Variants in SLC29A4 observed in about 807,000 individuals in gnomAD.
SLC29A4 encodes equilibrative nucleoside transporter 4.
A neutral mutation model predicts 43.9 loss-of-function variants in SLC29A4; 36 were observed. The ratio of observed to expected loss-of-function variants is 0.82; its 90% CI spans 0.63 to 1.08. The LOEUF (loss-of-function observed/expected upper bound fraction) is 1.08, where lower values mean the gene tolerates loss of function less well. Ranked by LOEUF, SLC29A4 falls within the 50% of genes least tolerant of loss-of-function variation. The pLI is 0.00. For missense variants in SLC29A4, 869 were observed against 755.3 expected (o/e 1.15, Z -1.77); for synonymous variants, 491 against 338.0 (o/e 1.45, Z -4.97).
intron 6 of SLC29A4, 130 bp from the exon 7 acceptor site, chr7:5,296,806 T>TG (rs1176478334): frequency 4.6e-6 from 4 of 876,672 alleles, no homozygotes; most frequent in African/African-American, 4.0e-5. Flanking sequence ...GGCCTGTGGG[T>TG]GGGGGCAGGG....
intron 1 of SLC29A4, 82 bp from the exon 2 acceptor site, chr7:5,287,727 A>T (rs1785046571): frequency 7.2e-7 from 1 of 1,383,494 alleles, no homozygotes; most frequent in Non-Finnish European, 9.8e-7. Context: ...CACTCCAGGT[A>T]GAAGCTTTAT....
At chr7:5,283,800 C>T (rs1221354199) in intron 1 of SLC29A4, among the ~76,000 whole-genome samples, 2 of 152,228 alleles carry the variant, frequency 1.3e-5, no homozygotes, top group South Asian at 2.1e-4. Context: ...CTAACCAGGG[C>T]TGGTGACTGA....
chr7:5,303,950 A>T lies in SLC29A4; in HGVS notation c.*1011A>T, dbSNP rs1399444002. ...GGGGGAGGACCGCCCCCGCTTCCAG[A>T]TCCCCGGCCCCGGCTGTGACTGCCC... On this transcript the variant is annotated 3_prime_UTR_variant, in exon 11 of 11. Coordinates refer to ENST00000396872, the MANE Select transcript of SLC29A4 (RefSeq NM_153247.4). 6.6e-6 allele frequency: 1 copy of T among 152,366 alleles called. No individual in the cohort carries two copies. The highest frequency in any genetic ancestry group is 2.4e-5 in the African/African-American group (1 of 41,406). The allele number at this position is 152,366 out of a possible 1,614,324, so 9.4% of individuals were successfully genotyped here.
chr7:5,301,594 C>T (rs577631593), intron 10 of SLC29A4, among the ~76,000 whole-genome samples: 10 of 152,320 alleles, frequency 6.6e-5, no homozygotes, highest in African/African-American at 2.4e-4. Flanking sequence ...ATCCCTCCAG[C>T]TGCCGTGGGC....
Position 5,299,396 on chromosome 7 carries a change from C to T in SLC29A4, c.1178C>T (p.Ala393Val), listed in dbSNP as rs1252906742. The change falls in exon 9 of 11, where the codon GCT (alanine) becomes GTT (valine). Residue 393 changes from alanine to valine, a missense_variant. Transcript: ENST00000396872. ...GAGTGGCTGCCCATCCTCATCATGG[C>T]TGTGTTCAACCTGTCAGACTTCGTG... Reference protein sequence around the residue: ...LGEWLPILIMAVFNLSDFVGK... With the variant: ...LGEWLPILIMVVFNLSDFVGK... 6 of 1,612,184 alleles carry T rather than the reference C, an allele frequency of 3.7e-6. No homozygotes were observed. The highest frequency in any genetic ancestry group is 2.2e-5 in the East Asian group (1 of 44,878).
intron 3 of SLC29A4, 49 bp from the exon 4 acceptor site, chr7:5,291,075 G>A (rs1465659812): frequency 1.3e-6 from 2 of 1,596,630 alleles, no homozygotes; most frequent in Admixed American, 3.3e-5. Context: ...AGGAGTCAGT[G>A]CAGGGGGTGG....
chr7:5,303,186 T>C lies in SLC29A4; in HGVS notation c.*247T>C. ...GCACTGTGTTCTGCGTTTGGTCTCA[T>C]ACCTGCGTCTACCTTCCATCTGTGT... On this transcript the variant is annotated 3_prime_UTR_variant, in exon 11 of 11. Coordinates refer to ENST00000396872, the MANE Select transcript of SLC29A4 (RefSeq NM_153247.4). 1 of 567,888 alleles carries C rather than the reference T, an allele frequency of 1.8e-6. No homozygotes were observed. The highest frequency in any genetic ancestry group is 3.0e-5 in the East Asian group (1 of 33,438). 35.2% of individuals were successfully genotyped at this position (567,888 alleles called of 1,614,324 possible).
intron 1 of SLC29A4, among the ~76,000 whole-genome samples, chr7:5,285,407 G>A (rs562312254): frequency 1.5e-3 from 231 of 152,352 alleles, no homozygotes; most frequent in African/African-American, 5.1e-3. Context: ...TCCCCTGGTA[G>A]TGGGTACCAA....
rs1056329272 is a variant in SLC29A4 at position 5,292,690 on chromosome 7, C to CTTTTTTTTTTTTTTTTTTT, written c.544+879_544+897dup. Among the ~76,000 whole-genome samples the CTTTTTTTTTTTTTTTTTTT allele has an allele frequency of 6.8e-4, 46 of 67,412 alleles. 10 individuals are homozygous for CTTTTTTTTTTTTTTTTTTT. The highest frequency in any genetic ancestry group is 1.1e-3 in the Admixed American group (5 of 4,516). 44.2% of individuals were successfully genotyped at this position (67,412 alleles called of 152,430 possible). ...TTCTACCAGCCAAGACATTTTTTTC[C>CTTTTTTTTTTTTTTTTTTT]TTTTTTTTTTTTTTTTTTTTTTTTT... is the stretch of plus-strand genomic sequence containing the variant. On this transcript the variant is annotated intron_variant, in intron 5 of 10. Transcript: ENST00000396872.
At position 5,303,472 on chromosome 7, in the gene SLC29A4, G is replaced by A. The variant is rs1019055880; in HGVS notation, c.*533G>A. On this transcript the variant is annotated 3_prime_UTR_variant, in exon 11 of 11. Transcript: ENST00000396872. Reference sequence around the variant, plus strand: ...GCTTCCCCTTCTGTCCTCATTCTTAGAGACTGCTTCTCCCAAACATAACGC... The same window carrying A: ...GCTTCCCCTTCTGTCCTCATTCTTAAAGACTGCTTCTCCCAAACATAACGC... 1 of 160,678 alleles carries A rather than the reference G, an allele frequency of 6.2e-6. No individual in the cohort carries two copies. Among genetic ancestry groups the A allele is most frequent in the Non-Finnish European group, 1.3e-5 (1 of 74,216 alleles). 10.0% of individuals were successfully genotyped at this position (160,678 alleles called of 1,614,324 possible).
intron 5 of SLC29A4, among the ~76,000 whole-genome samples, chr7:5,292,103 A>C (rs564767995): frequency 6.6e-6 from 1 of 152,240 alleles, no homozygotes; most frequent in East Asian, 1.9e-4. Context: ...TGCCTTTGTC[A>C]CCATGTCACT....
At chr7:5,292,668 T>C (rs1785379097) in intron 5 of SLC29A4, among the ~76,000 whole-genome samples, 1 of 146,002 alleles carries the variant, frequency 6.8e-6, no homozygotes, top group Admixed American at 7.0e-5. Flanking sequence ...GTGTATTTTC[T>C]ACCAGCCAAG....
chr7:5,286,159 CTG>C (rs1784932535), intron 1 of SLC29A4, among the ~76,000 whole-genome samples: 1 of 152,158 alleles, frequency 6.6e-6, no homozygotes, highest in Non-Finnish European at 1.5e-5. Flanking sequence ...GCTGTCCTCT[CTG>C]TTAGCCTCAA....
At chr7:5,293,811 T>TA (rs1158254893) in intron 5 of SLC29A4, among the ~76,000 whole-genome samples, 11 of 152,050 alleles carry the variant, frequency 7.2e-5, no homozygotes, top group Non-Finnish European at 1.5e-5. Context: ...AGCTAATTTT[T>TA]AAAAAATTTT....
At position 5,284,043 on chromosome 7, in the gene SLC29A4, C is replaced by CT. The variant is rs747634854; in HGVS notation, c.-9+961_-9+962insT. Among the ~76,000 whole-genome samples, 215 of 64,800 alleles carry CT rather than the reference C, an allele frequency of 3.3e-3. 7 individuals are homozygous for CT. The highest frequency in any genetic ancestry group is 6.6e-3 in the Non-Finnish European group (161 of 24,470). The allele number at this position is 64,800 out of a possible 152,430, so 42.5% of individuals were successfully genotyped here. ...GTCTGAGCTGCACGACCCCCCCCCC[C>CT]ACCCCCGACTTGGCCTCTCTGTGCC... On this transcript the variant is annotated intron_variant, in intron 1 of 10. Transcript: ENST00000396872.
In SLC29A4 at chr7:5,291,690, C is replaced by T; in HGVS notation, c.416-3C>T. 2.5e-6 allele frequency: 4 copies of T among 1,604,686 alleles called. No homozygotes were observed. Among genetic ancestry groups the T allele is most frequent in the Non-Finnish European group, 3.4e-6 (4 of 1,175,710 alleles). ...CTCCCCTCACTAGCCTCTCCCCCAA[C>T]AGGCTACCTCTTAGCCTTGGGCCCT... On this transcript the variant is annotated splice_polypyrimidine_tract_variant and splice_region_variant and intron_variant, in intron 4 of 10. Transcript: ENST00000396872.
At chr7:5,298,960 A>G in intron 7 of SLC29A4, 28 bp from the exon 8 acceptor site, 1 of 1,599,676 alleles carries the variant, frequency 6.3e-7, no homozygotes, top group Non-Finnish European at 8.5e-7. Context: ...TTCCACTCCA[A>G]CCCCATCCCA....
intron 6 of SLC29A4, among the ~76,000 whole-genome samples, chr7:5,296,328 C>G (rs1441465423): frequency 6.6e-6 from 1 of 151,374 alleles, no homozygotes. Flanking sequence ...CCTACTGCGT[C>G]CTCAGAGCAG....
rs778098850 is a variant in SLC29A4, at chr7:5,288,001, G to A, written c.169+16G>A. The A allele has an allele frequency of 8.7e-6, 14 of 1,600,622 alleles. No individual in the cohort carries two copies. Among genetic ancestry groups the A allele is most frequent in the South Asian group, 6.7e-5 (6 of 89,622 alleles). On this transcript the variant is annotated intron_variant, in intron 2 of 10. Coordinates refer to ENST00000396872, the MANE Select transcript of SLC29A4 (RefSeq NM_153247.4). ...ACGGATACTAGTAAGTAGGCGTGCGGGCAAGGTGCGGGTCTTGCCCCAAAG... is the reference window on the plus strand; with the variant it reads ...ACGGATACTAGTAAGTAGGCGTGCGAGCAAGGTGCGGGTCTTGCCCCAAAG...
Sources: gnomAD v4.1 joint callset for allele counts (sites outside exome capture counted in the v4.1 genomes callset) on GRCh38, gnomAD v4.1.1 for gene constraint, MANE v1.5 for transcripts, NCBI Gene and HGNC (gene_info 2026-07-23, HGNC 2026-07-21) for gene names.